The following PRSS54 variants were observed in gnomAD, a reference collection of about 807,000 sequenced individuals.
The protein encoded by PRSS54 is inactive serine protease 54.
In PRSS54, 16 loss-of-function variants were observed where a neutral mutation model predicts 19.9. The ratio of observed to expected loss-of-function variants is 0.80; its 90% confidence interval spans 0.54 to 1.22. PRSS54 has a LOEUF of 1.22. PRSS54 is among the 50% of genes most tolerant of loss of function. The pLI is 0.00. For synonymous variants in PRSS54, 177 were observed against 195.8 expected (o/e 0.90, Z 0.80); for missense variants, 444 against 494.8 (o/e 0.90, Z 0.97).
intron 5 of PRSS54, 116 bp downstream of exon 5, chr16:58,285,821 C>A: frequency 1.6e-6 from 2 of 1,266,762 alleles, no homozygotes; most frequent in Non-Finnish European, 2.2e-6. Context: ...CAGCCAAACT[C>A]TAGAACCTCA....
At position 58,293,509 on chromosome 16, in the gene PRSS54, C is replaced by G; in HGVS notation, c.85+223G>C. On this transcript the variant is annotated intron_variant, in intron 3 of 6. Coordinates refer to ENST00000567164, the MANE Select transcript of PRSS54 (RefSeq NM_001305173.2). ...GGCCTTATTTTCCTAACCACACTCC[C>G]ACCCTAAGGATTGGCCCTGACTTTA... 4 of 982,590 alleles carry G rather than the reference C, an allele frequency of 4.1e-6. No homozygotes were observed. In the South Asian group the frequency reaches 1.9e-4, roughly 46 times the overall value. 60.9% of individuals were successfully genotyped at this position (982,590 alleles called of 1,614,324 possible).
At chr16:58,293,125 G>A (rs1019204414) in intron 3 of PRSS54, among the ~76,000 whole-genome samples, 2 of 152,064 alleles carry the variant, frequency 1.3e-5, no homozygotes, top group Admixed American at 6.6e-5. Flanking sequence ...GGGTGTGTGT[G>A]GACTTTCTCA....
At chr16:58,293,930 A>C in intron 2 of PRSS54, 55 bp downstream of exon 2, 1 of 898,748 alleles carries the variant, frequency 1.1e-6, no homozygotes, top group Non-Finnish European at 1.8e-6. Context: ...CCTCCCAAAC[A>C]TCAGAGGCTC....
Position 58,280,523 on chromosome 16 carries a change from T to C in PRSS54, c.889A>G (p.Thr297Ala), listed in dbSNP as rs1422756215. Residue 297 changes from threonine to alanine, a missense_variant, in exon 7 of 7, where the codon ACA (threonine) becomes GCA (alanine). By Grantham distance (58) the Thr-to-Ala change is moderately conservative. Transcript: ENST00000567164. The part of the protein sequence containing the change: ...FSHHGPNATM[T>A]QKTYSDSELG... ...TCAGAATCAGAATATGTCTTCTGTG[T>C]CATGGTGGCATTTGGTCCATGGTGG... The C allele has an allele frequency of 1.2e-6, 2 of 1,614,192 alleles. No homozygotes were observed. Among genetic ancestry groups the C allele is most frequent in the East Asian group, 4.5e-5 (2 of 44,878 alleles).
rs1332508708 is a variant in PRSS54, at chr16:58,286,167, T to TTA, written c.290_291dup (p.Ser98Ter). 1 of 1,614,054 alleles carries TTA rather than the reference T, an allele frequency of 6.2e-7. No homozygotes were observed. The highest frequency in any genetic ancestry group is 1.3e-5 in the African/African-American group (1 of 74,930). ...GCAATCTTGCTAGGATCCATGTTACTTATACCCACTATAACGACAATGTCC... is the reference window on the plus strand; with the variant it reads ...GCAATCTTGCTAGGATCCATGTTACTTATATACCCACTATAACGACAATGTCC... On this transcript the variant is annotated frameshift_variant, in exon 5 of 7. Coordinates refer to ENST00000567164, the MANE Select transcript of PRSS54 (RefSeq NM_001305173.2). LOFTEE classifies it high-confidence loss of function.
At position 58,286,183 on chromosome 16, in the gene PRSS54, G is replaced by A. The variant is rs757915690; in HGVS notation, c.276C>T (p.Val92=). 11 of 1,614,074 alleles carry A rather than the reference G, an allele frequency of 6.8e-6. No individual in the cohort carries two copies. The highest frequency in any genetic ancestry group is 6.7e-5 in the East Asian group (3 of 44,888). ...CCATGTTACTTATACCCACTATAAC[G>A]ACAATGTCCTTCCTGGAGAGAGAGC... is the stretch of plus-strand genomic sequence containing the variant. The part of the protein sequence containing the change: ...ASAIQNRKDI[V]VIVGISNMDP... The change falls in exon 5 of 7, where the codon GTC becomes GTT. Residue 92 remains valine, a synonymous_variant. Transcript: ENST00000567164.
intron 3 of PRSS54, among the ~76,000 whole-genome samples, chr16:58,293,368 G>A (rs1188794665): frequency 1.3e-5 from 2 of 152,118 alleles, no homozygotes; most frequent in African/African-American, 2.4e-5. Flanking sequence ...CCCTGCTCCC[G>A]GGACCAGCCC....
At chr16:58,286,386 T>G (rs1209751692) in intron 4 of PRSS54, among the ~76,000 whole-genome samples, 191 bp from the exon 5 acceptor site, 1 of 152,212 alleles carries the variant, frequency 6.6e-6, no homozygotes, top group Non-Finnish European at 1.5e-5. Context: ...TGTGCCCTCT[T>G]TTGTGAGCCT....
At chr16:58,285,681 A>G (rs1027283759) in intron 5 of PRSS54, among the ~76,000 whole-genome samples, 2 of 145,210 alleles carry the variant, frequency 1.4e-5, no homozygotes, top group African/African-American at 5.1e-5. Context: ...TCAAGGCTGC[A>G]GTGAGCCGTG....
chr16:58,284,484 C>G, intron 6 of PRSS54, 106 bp downstream of exon 6: 2 of 1,343,976 alleles, frequency 1.5e-6, no homozygotes, highest in Non-Finnish European at 2.1e-6. Context: ...ATCCCAAGCC[C>G]TGCCCTCACA....
chr16:58,293,450 GA>G (rs1965081200), intron 3 of PRSS54: 3 of 681,024 alleles, frequency 4.4e-6, no homozygotes, highest in Non-Finnish European at 3.6e-6. Flanking sequence ...TGGGAGTGAA[GA>G]GGCAGGCCTC....
chr16:58,291,265 C>T (rs1444974193), intron 3 of PRSS54, 129 bp from the exon 4 acceptor site: 1 of 798,420 alleles, frequency 1.3e-6, no homozygotes, highest in South Asian at 1.8e-5. Context: ...CCTAGTGTGT[C>T]TTCTTCACCC....
At position 58,280,839 on chromosome 16, in the gene PRSS54, T is replaced by G. The variant is rs571541506; in HGVS notation, c.655-82A>C. On this transcript the variant is annotated intron_variant, in intron 6 of 6. Coordinates refer to ENST00000567164, the MANE Select transcript of PRSS54 (RefSeq NM_001305173.2). ...CTATCCTTGTGCAATATACTGTTTG[T>G]TCTAGAAATGTTTTACGCTGGTTCT... 9.0e-6 allele frequency: 12 copies of G among 1,339,316 alleles called. No homozygotes were observed. The East Asian group carries it at 2.3e-4, about 26-fold the overall frequency. The allele number at this position is 1,339,316 out of a possible 1,614,324, so 83.0% of individuals were successfully genotyped here.
intron 3 of PRSS54, among the ~76,000 whole-genome samples, chr16:58,292,824 T>C (rs1469728828): frequency 6.6e-6 from 1 of 152,230 alleles, no homozygotes; most frequent in East Asian, 1.9e-4. Context: ...TTGGCTAGTT[T>C]ATCTGACCTC....
intron 3 of PRSS54, among the ~76,000 whole-genome samples, chr16:58,292,459 C>T (rs187299115): frequency 1.3e-5 from 2 of 152,286 alleles, no homozygotes; most frequent in African/African-American, 4.8e-5. Flanking sequence ...TGAGGGCAAC[C>T]TTGCATATGA....
chr16:58,291,232 C>T (rs750709703), intron 3 of PRSS54, 96 bp from the exon 4 acceptor site: 12 of 1,143,002 alleles, frequency 1.0e-5, no homozygotes, highest in South Asian at 1.5e-5. Context: ...TAACGCTATC[C>T]GCAACCCCTT....
rs748663546 is a variant in PRSS54 at position 58,291,009 on chromosome 16, G to A, written c.213C>T (p.Cys71=). The A allele has an allele frequency of 6.2e-7, 1 of 1,614,236 alleles. No homozygotes were observed. The highest frequency in any genetic ancestry group is 2.2e-5 in the East Asian group (1 of 44,882). The change falls in exon 4 of 7, where the codon TGC becomes TGT. Residue 71 remains cysteine, a synonymous_variant. Transcript: ENST00000567164. ...TGAGGACCCAGAACTCGCTCAGGAT[G>A]CAGCCGAAAGCCAGGTGTGTGTACT... ...DSQYTHLAFG[C]ILSEFWVLSI...
At position 58,293,857 on chromosome 16, in the gene PRSS54, C is replaced by T. The variant is rs1357772866; in HGVS notation, c.-6-35G>A. ...CAAAACCCAATGACTCCATCCTCTT[C>T]CCAAACACATGCAGGGTTTTCTATG... is the stretch of plus-strand genomic sequence containing the variant. On this transcript the variant is annotated intron_variant, in intron 2 of 6. Transcript: ENST00000567164. 1.9e-6 allele frequency: 3 copies of T among 1,560,796 alleles called. No individual in the cohort carries two copies. The African/African-American group carries it at 4.1e-5, about 21-fold the overall frequency.
At chr16:58,283,303 A>G (rs1372780469) in intron 6 of PRSS54, 1 of 152,214 alleles carries the variant, frequency 6.6e-6, no homozygotes, top group Non-Finnish European at 1.5e-5. Flanking sequence ...GGGACGGGTC[A>G]CCATTAAATG....
Sources: allele counts gnomAD v4.1 joint callset (sites outside exome capture counted in the v4.1 genomes callset), GRCh38; gene constraint gnomAD v4.1.1; transcripts MANE v1.5; gene names NCBI Gene and HGNC (gene_info 2026-07-23, HGNC 2026-07-21).